TTC28: variants seen among roughly 807,000 people sequenced by gnomAD.
TTC28 encodes the protein tetratricopeptide repeat protein 28.
TTC28 carries 61 observed loss-of-function variants against 198.0 expected under a neutral mutation model. That is an observed-to-expected ratio of 0.31 (90% CI 0.25 to 0.38). The LOEUF (loss-of-function observed/expected upper bound fraction) is 0.38. TTC28 is among the 10% of genes least tolerant of loss of function. The pLI is 1.00. For synonymous variants in TTC28, 1,171 were observed against 1,297.8 expected, an observed-to-expected ratio of 0.90 and a Z score of 2.10; for missense variants, 2,678 against 3,164.0, an observed-to-expected ratio of 0.85 and a Z score of 3.69.
chr22:28,442,816 G>C (rs993027275), intron 2 of TTC28: 1 of 152,556 alleles, frequency 6.6e-6, no homozygotes, highest in Non-Finnish European at 1.5e-5. Flanking sequence ...GAGACCTGAA[G>C]GTAACCGCCC....
intron 12 of TTC28, among the ~76,000 whole-genome samples, chr22:28,034,813 C>A (rs530385550): frequency 3.3e-4 from 51 of 152,294 alleles, no homozygotes; most frequent in South Asian, 1.7e-3. Flanking sequence ...TTCATGGTAC[C>A]CACCTGCCCT....
chr22:28,600,681 A>T (rs1453556227), intron 2 of TTC28, among the ~76,000 whole-genome samples: 1 of 152,218 alleles, frequency 6.6e-6, no homozygotes. Context: ...CAACCTACAC[A>T]AGACTACCAA....
chr22:28,339,115 C>G (rs1444018848), intron 2 of TTC28, among the ~76,000 whole-genome samples: 3 of 152,188 alleles, frequency 2.0e-5, no homozygotes, highest in Non-Finnish European at 2.9e-5. Context: ...AGCTGCAGGT[C>G]TGTTGGAGTT....
intron 6 of TTC28, among the ~76,000 whole-genome samples, chr22:28,137,891 T>C (rs894108274): frequency 6.6e-5 from 10 of 152,178 alleles, no homozygotes; most frequent in African/African-American, 2.2e-4. Context: ...GGTGGGCACC[T>C]GTAATCCCAG....
At chr22:27,999,501 T>G (rs1601500958) in intron 15 of TTC28, 1 of 585,746 alleles carries the variant, frequency 1.7e-6, no homozygotes, top group Non-Finnish European at 2.9e-6. Flanking sequence ...ATGGTAGGGG[T>G]CCTGAGAGGA....
At chr22:28,411,544 C>T (rs137866335) in intron 2 of TTC28, among the ~76,000 whole-genome samples, 13 of 152,280 alleles carry the variant, frequency 8.5e-5, no homozygotes, top group African/African-American at 3.1e-4. Flanking sequence ...CAAGATAATA[C>T]CATGTTCCCT....
chr22:28,326,234 C>G (rs1174963791), intron 2 of TTC28, among the ~76,000 whole-genome samples: 1 of 152,094 alleles, frequency 6.6e-6, no homozygotes, highest in Admixed American at 6.5e-5. Flanking sequence ...AGTCTACATA[C>G]CATATAATTC....
chr22:28,056,041 T>C (rs1940274279), intron 12 of TTC28: 1 of 152,216 alleles, frequency 6.6e-6, no homozygotes, highest in African/African-American at 2.4e-5. Flanking sequence ...TGCTGTTTTA[T>C]ATATTTTCCC....
chr22:28,426,985 G>C (rs1303919180), intron 2 of TTC28, among the ~76,000 whole-genome samples: 1 of 152,148 alleles, frequency 6.6e-6, no homozygotes, highest in African/African-American at 2.4e-5. Flanking sequence ...AATTCACCAA[G>C]GGAACTATGC....
chr22:28,097,338 T>C (rs1162862519), intron 10 of TTC28, among the ~76,000 whole-genome samples: 1 of 152,216 alleles, frequency 6.6e-6, no homozygotes, highest in Non-Finnish European at 1.5e-5. Flanking sequence ...CATCACTACA[T>C]GTATAACAGG....
chr22:28,096,381 G>A lies in TTC28; in HGVS notation c.3575C>T (p.Ala1192Val), dbSNP rs552499597. 6.4e-7 allele frequency: 1 copy of A among 1,551,614 alleles called. No individual in the cohort carries two copies. Among genetic ancestry groups the A allele is most frequent in the African/African-American group, 1.4e-5 (1 of 73,142 alleles). Residue 1192 changes from alanine (A) to valine (V), a missense_variant, in exon 11 of 23, where the codon GCA (alanine) becomes GTA (valine). Physicochemically the swap from Ala to Val is moderately conservative, Grantham distance 64. This residue lies in a region of TTC28 where 727 missense variants were observed against 861.9 expected (regional missense o/e 0.84). Coordinates refer to ENST00000397906, the MANE Select transcript of TTC28 (RefSeq NM_001145418.2). ...LGHHDEALAV[A>V]ERGRTRAFAD... The stretch of plus-strand genomic sequence containing the variant: ...AAATGCCCTTGTCCGTCCCCTTTCT[G>A]CCACAGCCAGGGCTTCATCATGATG...
chr22:28,094,393 A>G, intron 11 of TTC28, 148 bp from the exon 12 acceptor site: 2 of 915,488 alleles, frequency 2.2e-6, no homozygotes, highest in African/African-American at 1.7e-5. Flanking sequence ...CCTGAAATCC[A>G]AGGTCTCAAG....
intron 5 of TTC28, among the ~76,000 whole-genome samples, chr22:28,214,032 G>T (rs1409943576): frequency 1.3e-5 from 2 of 152,094 alleles, no homozygotes; most frequent in Non-Finnish European, 2.9e-5. Flanking sequence ...AATGGGGAAA[G>T]GATTCCCTGT....
intron 2 of TTC28, among the ~76,000 whole-genome samples, chr22:28,330,733 T>C (rs1433326179): frequency 6.6e-6 from 1 of 152,112 alleles, no homozygotes; most frequent in East Asian, 1.9e-4. Context: ...AGGTTTTCAG[T>C]GCAAAGAGGG....
chr22:27,984,081 C>T (rs999009508), intron 22 of TTC28, among the ~76,000 whole-genome samples: 5 of 152,144 alleles, frequency 3.3e-5, no homozygotes, highest in African/African-American at 1.2e-4. Context: ...ACCCCAGACC[C>T]ACCATGGCCC....
chr22:28,300,980 C>T (rs897812247), intron 3 of TTC28, among the ~76,000 whole-genome samples: 1 of 152,178 alleles, frequency 6.6e-6, no homozygotes, highest in Non-Finnish European at 1.5e-5. Context: ...GTGATTGTTA[C>T]ACAAATCTAT....
chr22:28,619,160 T>C (rs1161438556), intron 2 of TTC28, among the ~76,000 whole-genome samples: 2 of 152,204 alleles, frequency 1.3e-5, no homozygotes, highest in Non-Finnish European at 1.5e-5. Flanking sequence ...AAAGCATGTA[T>C]ATATAAATAC....
At chr22:28,396,796 C>T (rs1601336568) in intron 2 of TTC28, among the ~76,000 whole-genome samples, 1 of 152,148 alleles carries the variant, frequency 6.6e-6, no homozygotes, top group African/African-American at 2.4e-5. Flanking sequence ...CCAGACTAAA[C>T]AAAATGCTGC....
Position 28,602,185 on chromosome 22 carries a change from C to T in TTC28, c.381+27367G>A, listed in dbSNP as rs1007163133. Among the ~76,000 whole-genome samples the T allele has an allele frequency of 2.0e-4, 30 of 152,138 alleles. 1 individual carries two copies. The highest frequency in any genetic ancestry group is 8.8e-5 in the Non-Finnish European group (6 of 68,014). ...GTCAAGGCACCAAACAAGAAAATAA[C>T]AATCAGGAACCCAAGAGTGGTCAAA... On this transcript the variant is annotated intron_variant, in intron 2 of 22. Coordinates refer to ENST00000397906, the MANE Select transcript of TTC28 (RefSeq NM_001145418.2).
Sources: allele counts gnomAD v4.1 joint callset (sites outside exome capture counted in the v4.1 genomes callset), GRCh38; gene constraint gnomAD v4.1.1; regional missense constraint gnomAD v4.1.1; transcripts MANE v1.5; gene names NCBI Gene and HGNC (gene_info 2026-07-23, HGNC 2026-07-21).